LINGO1: variants seen among roughly 807,000 people sequenced by gnomAD.
LINGO1 encodes leucine-rich repeat and immunoglobulin-like domain-containing nogo receptor-interacting protein 1.
In LINGO1, 11 loss-of-function variants were observed where a neutral mutation model predicts 37.3. The observed-to-expected ratio is 0.29, with a 90% CI of 0.19 to 0.49. LINGO1 has a LOEUF of 0.49. Among genes scored for constraint, LINGO1 ranks in the 20% least tolerant of loss-of-function variants. The pLI is 0.99. For missense variants in LINGO1, 585 were observed against 878.2 expected (o/e 0.67, Z 4.22); for synonymous variants, 387 against 403.0 (o/e 0.96, Z 0.48).
intron 3 of LINGO1, among the ~76,000 whole-genome samples, chr15:77,644,367 C>A (rs2074576718): frequency 6.6e-6 from 1 of 152,218 alleles, no homozygotes. Context: ...TCTGCCCAGG[C>A]CATCCTGGAA....
chr15:77,805,514 T>C (rs1057112362), intron 1 of LINGO1, among the ~76,000 whole-genome samples: 2 of 152,220 alleles, frequency 1.3e-5, no homozygotes, highest in African/African-American at 4.8e-5. Flanking sequence ...AAGGACAAAC[T>C]GCAGGGCAGA....
upstream of LINGO1, among the ~76,000 whole-genome samples, chr15:77,791,446 T>G (rs2076818046): frequency 6.6e-6 from 1 of 151,826 alleles, no homozygotes; most frequent in South Asian, 2.1e-4. Context: ...AAGAAAGCAT[T>G]CTACATGGAA....
intron 1 of LINGO1, among the ~76,000 whole-genome samples, chr15:77,766,466 A>G (rs901710602): frequency 3.9e-5 from 6 of 152,160 alleles, no homozygotes; most frequent in African/African-American, 1.2e-4. Flanking sequence ...TTTAAAGAGA[A>G]TTGATATGAT....
chr15:77,630,524 G>C (rs1410076061), intron 1 of LINGO1, among the ~76,000 whole-genome samples: 1 of 152,116 alleles, frequency 6.6e-6, no homozygotes, highest in African/African-American at 2.4e-5. Flanking sequence ...CCAGAGGACA[G>C]AGGATGAAGA....
chr15:77,774,659 C>T (rs908019738), intron 1 of LINGO1, among the ~76,000 whole-genome samples: 13 of 152,298 alleles, frequency 8.5e-5, no homozygotes, highest in African/African-American at 3.1e-4. Context: ...CCCATCAGCC[C>T]ATCCAGTTTG....
At chr15:77,762,652 G>A (rs1276199068) in intron 1 of LINGO1, among the ~76,000 whole-genome samples, 3 of 152,098 alleles carry the variant, frequency 2.0e-5, no homozygotes, top group Non-Finnish European at 2.9e-5. Context: ...TTGGCCAAGC[G>A]GGACCACCCT....
At chr15:77,645,356 T>A (rs372824561) in intron 3 of LINGO1, among the ~76,000 whole-genome samples, 1 of 152,156 alleles carries the variant, frequency 6.6e-6, no homozygotes, top group African/African-American at 2.4e-5. Context: ...GGTGGAGGCA[T>A]GGCCCTGAGG....
chr15:77,755,453 G>C (rs1451017215), intron 1 of LINGO1, among the ~76,000 whole-genome samples: 1 of 152,208 alleles, frequency 6.6e-6, no homozygotes, highest in East Asian at 1.9e-4. Context: ...TTGAATCCTA[G>C]GACCAACATT....
At chr15:77,818,953 C>T (rs145382349) in intron 1 of LINGO1, among the ~76,000 whole-genome samples, 1 of 151,778 alleles carries the variant, frequency 6.6e-6, no homozygotes, top group South Asian at 2.1e-4. Flanking sequence ...ACCCTCAAAG[C>T]GCCTCCGTCC....
At chr15:77,708,692 C>A (rs1306423528) in intron 2 of LINGO1, among the ~76,000 whole-genome samples, 1 of 152,166 alleles carries the variant, frequency 6.6e-6, no homozygotes, top group Non-Finnish European at 1.5e-5. Context: ...GCAGGCAGAT[C>A]ACCTGAGGTC....
At chr15:77,741,480 C>T in intron 1 of LINGO1, among the ~76,000 whole-genome samples, 1 of 152,150 alleles carries the variant, frequency 6.6e-6, no homozygotes, top group East Asian at 1.9e-4. Flanking sequence ...CCCAGGAAGG[C>T]CCCTGGCCAC....
rs555875392 is a variant in LINGO1 at position 77,731,518 on chromosome 15, T to G, written c.-195+3474A>C. 6.6e-5 allele frequency among the ~76,000 whole-genome samples: 10 copies of G among 152,256 alleles called. No individual in the cohort carries two copies. The South Asian group carries it at 2.1e-3, about 32-fold the overall frequency. On this transcript the variant is annotated intron_variant, in intron 2 of 3. Coordinates refer to the LINGO1 transcript ENST00000561686. ...GACTTGGGTCAACTCAGCTTCCATA[T>G]GTGGGCCTCCATTTTTCATAGGGAA... is the stretch of plus-strand genomic sequence containing the variant.
intron 2 of LINGO1, among the ~76,000 whole-genome samples, chr15:77,729,207 C>T (rs925844342): frequency 6.6e-6 from 1 of 152,178 alleles, no homozygotes; most frequent in African/African-American, 2.4e-5. Flanking sequence ...GGAGGCACAT[C>T]CAGGTCAGAG....
chr15:77,667,600 C>T (rs2075160429), intron 3 of LINGO1: 1 of 152,260 alleles, frequency 6.6e-6, no homozygotes, highest in Admixed American at 6.5e-5. Flanking sequence ...TCCTATCCCA[C>T]CATCAGCCTT....
chr15:77,755,703 A>G (rs2076412382), intron 1 of LINGO1, among the ~76,000 whole-genome samples: 1 of 152,092 alleles, frequency 6.6e-6, no homozygotes, highest in Admixed American at 6.5e-5. Context: ...TGCATTTCAG[A>G]TATTTCCTGG....
rs75135149 is a variant in LINGO1, at chr15:77,687,683, G to T, written c.-99+3037C>A. ...AGCCAAAGTGAAAAAGTGCTTTGTGGGTTATCCACCCACTGCCACCCACTG... is the reference window on the plus strand; with the variant it reads ...AGCCAAAGTGAAAAAGTGCTTTGTGTGTTATCCACCCACTGCCACCCACTG... On this transcript the variant is annotated intron_variant, in intron 2 of 3. Transcript: ENST00000559893. Among the ~76,000 whole-genome samples, 757 of 152,308 alleles carry T rather than the reference G, an allele frequency of 5.0e-3. 5 individuals are homozygous for T. Among genetic ancestry groups the T allele is most frequent in the African/African-American group, 0.017 (727 of 41,558 alleles).
chr15:77,774,118 G>A (rs1369302752), intron 1 of LINGO1, among the ~76,000 whole-genome samples: 16 of 152,260 alleles, frequency 1.1e-4, no homozygotes, highest in Admixed American at 9.8e-4. Context: ...TCTACAGGGA[G>A]AATAGGTGAG....
At chr15:77,820,665 T>G (rs565350743), upstream of LINGO1, 8 of 152,518 alleles carry the variant, frequency 5.2e-5, no homozygotes, top group African/African-American at 1.7e-4. Context: ...GTTTACCCCC[T>G]TTGGGAAGGG....
intron 3 of LINGO1, among the ~76,000 whole-genome samples, chr15:77,645,525 T>C (rs1031576122): frequency 6.6e-6 from 1 of 152,218 alleles, no homozygotes; most frequent in Non-Finnish European, 1.5e-5. Context: ...TGGCTAAAGA[T>C]AAATGCCAGC....
Sources: gnomAD v4.1 joint callset for allele counts (sites outside exome capture counted in the v4.1 genomes callset) on GRCh38, gnomAD v4.1.1 for gene constraint, MANE v1.5 for transcripts, NCBI Gene and HGNC (gene_info 2026-07-23, HGNC 2026-07-21) for gene names.